Variants in SLC8A1 observed in about 807,000 individuals in gnomAD.
SLC8A1 encodes the protein solute carrier family 8 member A1, also known as sodium/calcium exchanger 1.
A neutral mutation model predicts 68.3 loss-of-function variants in SLC8A1; 18 were observed. The observed-to-expected ratio is 0.26, with a 90% CI of 0.18 to 0.39. SLC8A1 has a LOEUF of 0.39. Ranked by LOEUF, SLC8A1 falls within the 10% of genes least tolerant of loss-of-function variation. The pLI, the probability that SLC8A1 is intolerant of heterozygous loss-of-function variation, is 1.00. For synonymous variants in SLC8A1, 475 were observed against 415.5 expected (o/e 1.14, Z -1.74); for missense variants, 985 against 1,156.7 (o/e 0.85, Z 2.15).
chr2:40,431,462 G>A (rs1576441504), intron 1 of SLC8A1, among the ~76,000 whole-genome samples: 2 of 152,042 alleles, frequency 1.3e-5, no homozygotes, highest in East Asian at 1.9e-4. Flanking sequence ...AGCTTGGTAG[G>A]CATAGCAGTG....
chr2:40,324,564 T>C (rs1367725027), intron 2 of SLC8A1, among the ~76,000 whole-genome samples: 3 of 152,184 alleles, frequency 2.0e-5, no homozygotes. Context: ...AAGTAGCTCA[T>C]TTGTTTATTA....
chr2:40,139,648 C>T (rs2041180921), exon 7 of SLC8A1: 2 of 1,613,972 alleles, frequency 1.2e-6, no homozygotes, highest in Non-Finnish European at 1.7e-6. Flanking sequence ...GCTTCTCTTC[C>T]CCACATTCAT....
intron 2 of SLC8A1, among the ~76,000 whole-genome samples, chr2:40,189,164 A>G (rs945810961): frequency 6.6e-6 from 1 of 152,172 alleles, no homozygotes; most frequent in Non-Finnish European, 1.5e-5. Context: ...ACTTGATTCT[A>G]AACAGAGTTC....
chr2:40,142,971 C>CGA (rs145998783), intron 6 of SLC8A1, among the ~76,000 whole-genome samples: 6 of 145,842 alleles, frequency 4.1e-5, no homozygotes, highest in East Asian at 2.0e-4. Context: ...TGTGTGAGAG[C>CGA]GAGAGAGAGA....
At chr2:40,131,884 T>TGC (rs34861282) in intron 7 of SLC8A1, among the ~76,000 whole-genome samples, 1 of 111,720 alleles carries the variant, frequency 9.0e-6, no homozygotes, top group Non-Finnish European at 1.8e-5. Context: ...TTTTTTTTTT[T>TGC]GCCAGCTGGG....
At chr2:40,420,063 G>A (rs1236527797) in intron 2 of SLC8A1, among the ~76,000 whole-genome samples, 1 of 152,052 alleles carries the variant, frequency 6.6e-6, no homozygotes, top group Non-Finnish European at 1.5e-5. Flanking sequence ...AGAATTTTTT[G>A]TTTGTTCTTG....
At chr2:40,392,647 C>G (rs747264440) in intron 2 of SLC8A1, among the ~76,000 whole-genome samples, 10 of 152,044 alleles carry the variant, frequency 6.6e-5, no homozygotes, top group Non-Finnish European at 1.3e-4. Context: ...CCACAGCCTT[C>G]CAAGATTTTG....
chr2:40,353,350 A>C (rs1483497727), intron 2 of SLC8A1, among the ~76,000 whole-genome samples: 1 of 151,882 alleles, frequency 6.6e-6, no homozygotes, highest in African/African-American at 2.4e-5. Context: ...TGGGGGCCCC[A>C]CCCTTCTCCA....
At chr2:40,188,520 T>A (rs2051132942) in intron 2 of SLC8A1, among the ~76,000 whole-genome samples, 1 of 152,236 alleles carries the variant, frequency 6.6e-6, no homozygotes, top group South Asian at 2.1e-4. Flanking sequence ...CCTGAACATT[T>A]TAAACATTCC....
intron 7 of SLC8A1, among the ~76,000 whole-genome samples, chr2:40,135,156 A>T (rs116726673): frequency 0.012 from 1,756 of 152,356 alleles, 14 homozygotes; most frequent in Non-Finnish European, 0.017. Context: ...CAGACTGGAA[A>T]GATAGGCAGG....
intron 2 of SLC8A1, among the ~76,000 whole-genome samples, chr2:40,339,554 G>A (rs1205841058): frequency 6.6e-6 from 1 of 152,176 alleles, no homozygotes; most frequent in Admixed American, 6.5e-5. Flanking sequence ...AGTAACTGAA[G>A]TACAAAGTAA....
At chr2:40,341,173 AT>A (rs1316397733) in intron 2 of SLC8A1, among the ~76,000 whole-genome samples, 5 of 152,030 alleles carry the variant, frequency 3.3e-5, no homozygotes, top group South Asian at 4.2e-4. Flanking sequence ...TCTTTGCCTT[AT>A]TTTTTTACAT....
intron 2 of SLC8A1, among the ~76,000 whole-genome samples, chr2:40,422,783 T>C (rs1364972613): frequency 6.6e-6 from 1 of 152,140 alleles, no homozygotes; most frequent in Non-Finnish European, 1.5e-5. Flanking sequence ...TTAAATTCTC[T>C]TTAGGACCTT....
At chr2:40,161,601 A>T (rs2148455612) in intron 5 of SLC8A1, among the ~76,000 whole-genome samples, 1 of 152,294 alleles carries the variant, frequency 6.6e-6, no homozygotes, top group East Asian at 1.9e-4. Context: ...TGTTTTGTAC[A>T]ATCAGTACTC....
intron 2 of SLC8A1, among the ~76,000 whole-genome samples, chr2:40,349,554 G>A (rs1670405775): frequency 6.6e-6 from 1 of 152,148 alleles, no homozygotes; most frequent in Admixed American, 6.5e-5. Context: ...TGTTTTCTCT[G>A]TGAAATGGGG....
exon 8 of SLC8A1, chr2:40,108,179 TG>T (rs1470640683): frequency 6.6e-6 from 1 of 152,220 alleles, no homozygotes; most frequent in Non-Finnish European, 1.5e-5. Flanking sequence ...AGAAACTTGA[TG>T]GCTTAAAGGA....
chr2:40,253,319 C>G (rs1010576475), intron 2 of SLC8A1, among the ~76,000 whole-genome samples: 1 of 150,174 alleles, frequency 6.7e-6, no homozygotes, highest in Admixed American at 6.6e-5. Context: ...CATATATACA[C>G]ACACATATAT....
rs147276145 is a variant in SLC8A1 at position 40,125,196 on chromosome 2, C to T, written c.2438-9567G>A. 1.3e-3 allele frequency among the ~76,000 whole-genome samples: 191 copies of T among 152,228 alleles called. 1 individual carries two copies. The highest frequency in any genetic ancestry group is 4.3e-3 in the African/African-American group (180 of 41,526). ...TTTTTCCTGGTCCTTTTGGTTAATTCAGCATTCATAATTATGTTAGACAAA... is the reference window on the plus strand; with the variant it reads ...TTTTTCCTGGTCCTTTTGGTTAATTTAGCATTCATAATTATGTTAGACAAA... On this transcript the variant is annotated intron_variant, in intron 7 of 7. Transcript: ENST00000406785.
chr2:40,123,732 T>C (rs1451326017), intron 7 of SLC8A1, among the ~76,000 whole-genome samples: 1 of 152,206 alleles, frequency 6.6e-6, no homozygotes, highest in Non-Finnish European at 1.5e-5. Flanking sequence ...AAAAGAATCA[T>C]AAGATTTAGT....
Sources: allele counts gnomAD v4.1 joint callset (sites outside exome capture counted in the v4.1 genomes callset), GRCh38; gene constraint gnomAD v4.1.1; transcripts MANE v1.5; gene names NCBI Gene and HGNC (gene_info 2026-07-23, HGNC 2026-07-21).